KSR2: variants seen among roughly 807,000 people sequenced by gnomAD.
KSR2 encodes the protein kinase suppressor of ras 2.
In KSR2, 25 loss-of-function variants were observed where a neutral mutation model predicts 107.8. The observed-to-expected ratio is 0.23, with a 90% CI of 0.17 to 0.32. KSR2 has a LOEUF of 0.32. KSR2 is among the 10% of genes least tolerant of loss of function. The probability of loss-of-function intolerance (pLI) is 1.00; values close to 1 mark genes in which losing one functional copy is unlikely to be tolerated. For missense variants in KSR2, 887 were observed against 1,268.9 expected (o/e 0.70, Z 4.57); for synonymous variants, 480 against 507.0 (o/e 0.95, Z 0.71).
chr12:117,759,795 ATGT>A (rs1162689030), intron 4 of KSR2, among the ~76,000 whole-genome samples: 2 of 152,188 alleles, frequency 1.3e-5, no homozygotes, highest in Non-Finnish European at 2.9e-5. Flanking sequence ...AGGTTCACTC[ATGT>A]TGTAGCATAT....
intron 4 of KSR2, among the ~76,000 whole-genome samples, chr12:117,704,062 T>C (rs993318633): frequency 6.6e-6 from 1 of 152,168 alleles, no homozygotes; most frequent in African/African-American, 2.4e-5. Context: ...GGGGTTCCAA[T>C]AGAAGACCTA....
In KSR2 at chr12:117,794,375, T is replaced by G. The variant is rs145084103; in HGVS notation, c.473-32851A>C. Among the ~76,000 whole-genome samples, 12 of 14,226 alleles carry G rather than the reference T, an allele frequency of 8.4e-4. 4 individuals are homozygous for G. Among genetic ancestry groups the G allele is most frequent in the Admixed American group, 2.3e-3 (2 of 874 alleles). The allele number at this position is 14,226 out of a possible 152,430, so 9.3% of individuals were successfully genotyped here. On this transcript the variant is annotated intron_variant, in intron 3 of 19. Coordinates refer to ENST00000339824, the MANE Select transcript of KSR2 (RefSeq NM_173598.6). ...CAGGCACACACACCAACATGCACACTCACACCAACATGCACACTCACACCA... is the reference window on the plus strand; with the variant it reads ...CAGGCACACACACCAACATGCACACGCACACCAACATGCACACTCACACCA...
chr12:117,514,643 G>T (rs1213885293), intron 14 of KSR2, among the ~76,000 whole-genome samples: 2 of 150,646 alleles, frequency 1.3e-5, no homozygotes, highest in African/African-American at 4.9e-5. Context: ...CAGTCTCCCA[G>T]GCTCAAGCAA....
intron 7 of KSR2, among the ~76,000 whole-genome samples, chr12:117,561,336 G>A (rs966652679): frequency 6.6e-6 from 1 of 152,210 alleles, no homozygotes; most frequent in Non-Finnish European, 1.5e-5. Context: ...CATAAAGACT[G>A]TAGGACACTG....
intron 5 of KSR2, among the ~76,000 whole-genome samples, chr12:117,629,325 C>T (rs1882699078): frequency 6.6e-6 from 1 of 152,184 alleles, no homozygotes; most frequent in Non-Finnish European, 1.5e-5. Context: ...CCTATTTGGC[C>T]ATCTTGGAAT....
intron 3 of KSR2, among the ~76,000 whole-genome samples, chr12:117,835,431 C>A (rs369404500): frequency 8.0e-4 from 122 of 152,238 alleles, no homozygotes; most frequent in Non-Finnish European, 1.6e-3. Flanking sequence ...TAAGCCAAAC[C>A]CCAACTCAGT....
intron 4 of KSR2, among the ~76,000 whole-genome samples, chr12:117,704,492 T>C (rs1886444877): frequency 6.6e-6 from 1 of 152,110 alleles, no homozygotes; most frequent in Admixed American, 6.5e-5. Context: ...GTGTGACCCA[T>C]AAAGCCTAAA....
intron 17 of KSR2, among the ~76,000 whole-genome samples, chr12:117,471,880 A>T (rs1251177776): frequency 6.6e-6 from 1 of 152,214 alleles, no homozygotes; most frequent in Non-Finnish European, 1.5e-5. Context: ...TTAAAAAACC[A>T]TTATATATGT....
intron 4 of KSR2, among the ~76,000 whole-genome samples, chr12:117,691,180 G>C (rs1406054043): frequency 6.6e-6 from 1 of 152,162 alleles, no homozygotes; most frequent in East Asian, 1.9e-4. Context: ...GTGGATTTTA[G>C]AGGAGAAACA....
chr12:117,625,527 C>A (rs75481158), intron 5 of KSR2, among the ~76,000 whole-genome samples: 3 of 152,162 alleles, frequency 2.0e-5, no homozygotes, highest in African/African-American at 7.2e-5. Context: ...ATATGTTGAA[C>A]CAGCCTCACA....
At chr12:117,891,553 C>T (rs1593344754) in intron 1 of KSR2, among the ~76,000 whole-genome samples, 1 of 152,028 alleles carries the variant, frequency 6.6e-6, no homozygotes, top group Non-Finnish European at 1.5e-5. Flanking sequence ...GCCTGGACAA[C>T]AGAATGAGAC....
chr12:117,931,994 A>T (rs1360804580), intron 1 of KSR2, among the ~76,000 whole-genome samples: 1 of 152,160 alleles, frequency 6.6e-6, no homozygotes, highest in Non-Finnish European at 1.5e-5. Context: ...TGCTATCTGA[A>T]ACTTAAACCT....
intron 3 of KSR2, among the ~76,000 whole-genome samples, chr12:117,772,329 C>T (rs1205832776): frequency 2.1e-5 from 3 of 146,294 alleles, no homozygotes; most frequent in African/African-American, 5.1e-5. Context: ...AACACACACT[C>T]ACACATACAC....
chr12:117,543,988 C>T (rs150754530), intron 9 of KSR2, among the ~76,000 whole-genome samples: 5 of 152,216 alleles, frequency 3.3e-5, no homozygotes, highest in African/African-American at 9.6e-5. Context: ...CTGATAAGGC[C>T]GAAAGTCATA....
chr12:117,931,783 T>C (rs1273853565), intron 1 of KSR2, among the ~76,000 whole-genome samples: 4 of 152,198 alleles, frequency 2.6e-5, no homozygotes, highest in Admixed American at 2.0e-4. Flanking sequence ...GCCAGATTAA[T>C]TTCTATATAT....
At chr12:117,563,322 G>A (rs1408808490) in intron 7 of KSR2, among the ~76,000 whole-genome samples, 1 of 152,110 alleles carries the variant, frequency 6.6e-6, no homozygotes, top group African/African-American at 2.4e-5. Flanking sequence ...AGAGATGAAT[G>A]GGAGCCTGAA....
At chr12:117,829,462 AG>A (rs1891875103) in intron 3 of KSR2, among the ~76,000 whole-genome samples, 4 of 152,214 alleles carry the variant, frequency 2.6e-5, no homozygotes, top group Admixed American at 2.6e-4. Context: ...CTTAAAGACA[AG>A]AAGTACATGT....
At chr12:117,948,812 G>A (rs190991231) in intron 1 of KSR2, among the ~76,000 whole-genome samples, 1 of 152,346 alleles carries the variant, frequency 6.6e-6, no homozygotes, top group Non-Finnish European at 1.5e-5. Flanking sequence ...TAATGGCAAA[G>A]GCCAGGTGCA....
At chr12:117,740,655 T>G (rs928241106) in intron 4 of KSR2, among the ~76,000 whole-genome samples, 2 of 90,270 alleles carry the variant, frequency 2.2e-5, no homozygotes, top group Admixed American at 1.5e-4. Flanking sequence ...ATTATATATG[T>G]AATATATAAT....
Sources: allele counts gnomAD v4.1 joint callset (sites outside exome capture counted in the v4.1 genomes callset), GRCh38; gene constraint gnomAD v4.1.1; transcripts MANE v1.5; gene names NCBI Gene and HGNC (gene_info 2026-07-23, HGNC 2026-07-21).